FLI1: variants seen among roughly 807,000 people sequenced by gnomAD.
FLI1 encodes the protein Fli-1 proto-oncogene, ETS transcription factor, also known as Friend leukemia integration 1 transcription factor.
FLI1 carries 13 observed loss-of-function variants against 53.1 expected under a neutral mutation model. The observed-to-expected ratio is 0.24, with a 90% CI of 0.16 to 0.39. The LOEUF is 0.39. Among genes scored for constraint, FLI1 ranks in the 10% least tolerant of loss-of-function variants. The probability of loss-of-function intolerance (pLI) is 1.00; values close to 1 mark genes in which losing one functional copy is unlikely to be tolerated. For synonymous variants in FLI1, 244 were observed against 236.7 expected (o/e 1.03, Z -0.28); for missense variants, 424 against 600.5 (o/e 0.71, Z 3.07).
intron 6 of FLI1, chr11:128,806,546 G>A: frequency 6.6e-6 from 1 of 152,288 alleles, no homozygotes; most frequent in East Asian, 1.9e-4. Flanking sequence ...TAGTTCTTTA[G>A]GCAATGAAGA....
chr11:128,717,547 C>T (rs1254794988), intron 1 of FLI1, among the ~76,000 whole-genome samples: 1 of 152,088 alleles, frequency 6.6e-6, no homozygotes, highest in African/African-American at 2.4e-5. Flanking sequence ...GCAGGAAGTG[C>T]CTTTGTTTGT....
chr11:128,783,661 CT>C (rs1426007034), intron 5 of FLI1, among the ~76,000 whole-genome samples: 2 of 152,286 alleles, frequency 1.3e-5, no homozygotes, highest in Admixed American at 1.3e-4. Context: ...GTCAGGGCAC[CT>C]TTGGCTTCCT....
At chr11:128,771,070 G>T (rs936050073) in intron 3 of FLI1, among the ~76,000 whole-genome samples, 1 of 152,240 alleles carries the variant, frequency 6.6e-6, no homozygotes, top group East Asian at 1.9e-4. Context: ...TACCAGCGAT[G>T]GGGCTTTGGG....
chr11:128,734,871 A>G (rs2135760062), intron 1 of FLI1, among the ~76,000 whole-genome samples: 1 of 152,360 alleles, frequency 6.6e-6, no homozygotes, highest in South Asian at 2.1e-4. Flanking sequence ...CAAAGGGGCA[A>G]GATCAAAAGG....
chr11:128,735,123 TTAGAG>T (rs1427947461), intron 1 of FLI1, among the ~76,000 whole-genome samples: 7 of 152,220 alleles, frequency 4.6e-5, no homozygotes, highest in African/African-American at 1.4e-4. Context: ...CTCCAGTTTA[TTAGAG>T]TAATTAAATA....
At chr11:128,784,306 A>G (rs1490915684) in intron 5 of FLI1, among the ~76,000 whole-genome samples, 2 of 140,672 alleles carry the variant, frequency 1.4e-5, no homozygotes, top group South Asian at 2.2e-4. Flanking sequence ...TCTACCTGCC[A>G]TACACATTTC....
intron 1 of FLI1, among the ~76,000 whole-genome samples, chr11:128,695,077 G>T (rs1321613768): frequency 6.6e-6 from 1 of 152,116 alleles, no homozygotes; most frequent in East Asian, 1.9e-4. Context: ...CCTCCGAAAG[G>T]GTCCTGCGTC....
chr11:128,796,070 A>G (rs537296518), intron 5 of FLI1, among the ~76,000 whole-genome samples: 1 of 152,088 alleles, frequency 6.6e-6, no homozygotes, highest in East Asian at 1.9e-4. Context: ...GACAGAGATG[A>G]GAGGCAAAGC....
chr11:128,723,730 A>G (rs1047415536), intron 1 of FLI1, among the ~76,000 whole-genome samples: 1 of 152,208 alleles, frequency 6.6e-6, no homozygotes, highest in African/African-American at 2.4e-5. Context: ...GCAATTATGC[A>G]TAAGACATGG....
At chr11:128,782,837 A>G (rs1328683544) in intron 5 of FLI1, among the ~76,000 whole-genome samples, 3 of 152,252 alleles carry the variant, frequency 2.0e-5, no homozygotes, top group Admixed American at 6.5e-5. Flanking sequence ...ACGTCACAAT[A>G]GAATTCCTCA....
chr11:128,811,103 C>CCAACAAGAAAGAACA lies in FLI1; in HGVS notation c.*115_*116insCAACAAGAAAGAACA. On this transcript the variant is annotated 3_prime_UTR_variant, in exon 9 of 9. Coordinates refer to ENST00000527786, the MANE Select transcript of FLI1 (RefSeq NM_002017.5). ...GGGAAGACAAAACTGGATGTTCTTTCTTGTTGGATAGAACCTTTGTATTTG... is the reference window on the plus strand; with the variant it reads ...GGGAAGACAAAACTGGATGTTCTTTCCAACAAGAAAGAACATTGTTGGATAGAACCTTTGTATTTG... The CCAACAAGAAAGAACA allele has an allele frequency of 1.0e-6, 1 of 1,002,308 alleles. No individual in the cohort carries two copies. Among genetic ancestry groups the CCAACAAGAAAGAACA allele is most frequent in the East Asian group, 2.4e-5 (1 of 41,660 alleles). The allele number at this position is 1,002,308 out of a possible 1,614,324, so 62.1% of individuals were successfully genotyped here. A position where few individuals can be genotyped will look rare whatever the true frequency, so the allele number is the denominator to read the frequency against.
intron 5 of FLI1, among the ~76,000 whole-genome samples, chr11:128,782,835 A>G (rs1448005906): frequency 1.3e-5 from 2 of 152,220 alleles, no homozygotes; most frequent in African/African-American, 4.8e-5. Flanking sequence ...ACACGTCACA[A>G]TAGAATTCCT....
chr11:128,712,838 A>G (rs1422165964), intron 1 of FLI1, among the ~76,000 whole-genome samples: 1 of 152,312 alleles, frequency 6.6e-6, no homozygotes, highest in Non-Finnish European at 1.5e-5. Flanking sequence ...ATATCCTGAG[A>G]CATGAAGCAA....
chr11:128,797,023 T>C (rs1942465385), intron 5 of FLI1, among the ~76,000 whole-genome samples: 1 of 152,216 alleles, frequency 6.6e-6, no homozygotes, highest in South Asian at 2.1e-4. Context: ...TCCTTCAGCA[T>C]GAACTCACCT....
rs796506419 is a variant in FLI1, at chr11:128,796,062, C to T, written c.656-9304C>T. On this transcript the variant is annotated intron_variant, in intron 5 of 8. Transcript: ENST00000527786. ...CTCAGACCACACAGCTCATAACTGA[C>T]AGAGATGAGAGGCAAAGCAAGGAGT... is the stretch of plus-strand genomic sequence containing the variant. Among the ~76,000 whole-genome samples the T allele has an allele frequency of 3.5e-4, 54 of 152,226 alleles. 1 individual carries two copies. The highest frequency in any genetic ancestry group is 1.3e-3 in the African/African-American group (52 of 41,532).
intron 4 of FLI1, among the ~76,000 whole-genome samples, chr11:128,778,547 G>A (rs888608156): frequency 1.3e-5 from 2 of 152,214 alleles, no homozygotes; most frequent in African/African-American, 4.8e-5. Flanking sequence ...CTGGGAAAAT[G>A]ATATGACTTC....
At chr11:128,768,428 TC>T in intron 3 of FLI1, 156 bp downstream of exon 3, 1 of 836,562 alleles carries the variant, frequency 1.2e-6, no homozygotes, top group Non-Finnish European at 1.9e-6. Context: ...GCGCCTGTAA[TC>T]CCAGCACTTT....
chr11:128,770,679 T>C (rs950914021), intron 3 of FLI1, among the ~76,000 whole-genome samples: 4 of 152,186 alleles, frequency 2.6e-5, no homozygotes, highest in African/African-American at 4.8e-5. Context: ...TGGTGTAAAA[T>C]TGAATTTGAG....
chr11:128,766,048 G>T (rs1413413607), intron 2 of FLI1, among the ~76,000 whole-genome samples: 2 of 152,058 alleles, frequency 1.3e-5, no homozygotes, highest in Non-Finnish European at 2.9e-5. Context: ...CATGCATGTG[G>T]GTAAAGTATT....
Sources: allele counts gnomAD v4.1 joint callset (sites outside exome capture counted in the v4.1 genomes callset), GRCh38; gene constraint gnomAD v4.1.1; transcripts MANE v1.5; gene names NCBI Gene and HGNC (gene_info 2026-07-23, HGNC 2026-07-21).